DNAH11: variants seen among roughly 807,000 people sequenced by gnomAD.
DNAH11 encodes the protein dynein axonemal heavy chain 11, also known as axonemal beta dynein heavy chain 11.
DNAH11 carries 442 observed loss-of-function variants against 526.0 expected under a neutral mutation model. The ratio of observed to expected loss-of-function variants is 0.84; its 90% CI spans 0.78 to 0.91. The LOEUF (loss-of-function observed/expected upper bound fraction) is 0.91, where lower values mean the gene tolerates loss of function less well. DNAH11 is among the 40% of genes least tolerant of loss of function. The pLI is 0.00. For synonymous variants in DNAH11, 2,461 were observed against 1,935.9 expected, an observed-to-expected ratio of 1.27 and a Z score of -7.12; for missense variants, 6,989 against 5,448.7, an observed-to-expected ratio of 1.28 and a Z score of -8.90.
intron 20 of DNAH11, among the ~76,000 whole-genome samples, 160 bp from the exon 21 acceptor site, chr7:21,614,954 C>A (rs1162618095): frequency 6.6e-6 from 1 of 152,198 alleles, no homozygotes; most frequent in East Asian, 1.9e-4. Context: ...TGAGTTTGCT[C>A]TTCTAAAACC....
chr7:21,863,453 G>A (rs941584564), intron 69 of DNAH11, among the ~76,000 whole-genome samples: 2 of 152,078 alleles, frequency 1.3e-5, no homozygotes, highest in Non-Finnish European at 2.9e-5. Context: ...TCAGCCTCCC[G>A]AGTAGCTGGG....
chr7:21,702,943 G>T (rs1784125394), intron 37 of DNAH11, 141 bp downstream of exon 37: 1 of 715,812 alleles, frequency 1.4e-6, no homozygotes, highest in Non-Finnish European at 2.3e-6. Flanking sequence ...GAAATTTGAG[G>T]ATTGGCGTTC....
intron 38 of DNAH11, among the ~76,000 whole-genome samples, chr7:21,704,942 G>A (rs1411147520): frequency 6.6e-6 from 1 of 152,138 alleles, no homozygotes; most frequent in Non-Finnish European, 1.5e-5. Flanking sequence ...CTCCTTTTTA[G>A]AGAACATTGG....
chr7:21,804,302 G>A (rs1789148791), intron 62 of DNAH11, among the ~76,000 whole-genome samples: 1 of 151,928 alleles, frequency 6.6e-6, no homozygotes, highest in African/African-American at 2.4e-5. Context: ...TTAGAGACGG[G>A]GTTTCACCGT....
At chr7:21,868,784 T>A in intron 72 of DNAH11, 80 bp from the exon 73 acceptor site, 1 of 1,558,712 alleles carries the variant, frequency 6.4e-7, no homozygotes. Context: ...ACCACAGATG[T>A]GCATTAGACC....
chr7:21,824,997 G>A lies in DNAH11; in HGVS notation c.10691+6658G>A, dbSNP rs375835975. Among the ~76,000 whole-genome samples, 52 of 152,118 alleles carry A rather than the reference G, an allele frequency of 3.4e-4. No individual in the cohort carries two copies. The East Asian group carries it at 3.5e-3, about 10-fold the overall frequency. ...AGTGATTCTCCTGCCTCAGCCTCCC[G>A]AGTAGCTGGAATTACAGGCGCCTGC... is the stretch of plus-strand genomic sequence containing the variant. On this transcript the variant is annotated intron_variant, in intron 65 of 81. Transcript: ENST00000409508.
intron 77 of DNAH11, among the ~76,000 whole-genome samples, chr7:21,892,972 T>C (rs1462424872): frequency 6.6e-6 from 1 of 152,232 alleles, no homozygotes; most frequent in Non-Finnish European, 1.5e-5. Flanking sequence ...ACTCCTTTCA[T>C]TCTGCATTAG....
At chr7:21,712,303 C>G (rs1784492485) in intron 42 of DNAH11, among the ~76,000 whole-genome samples, 1 of 152,204 alleles carries the variant, frequency 6.6e-6, no homozygotes, top group Admixed American at 6.5e-5. Context: ...TGGGTTTCTT[C>G]TACCTTTTGG....
Position 21,619,941 on chromosome 7 carries a change from A to G in DNAH11, c.4378-15A>G, listed in dbSNP as rs368312086. The G allele has an allele frequency of 1.4e-6, 2 of 1,400,858 alleles. No homozygotes were observed. The highest frequency in any genetic ancestry group is 1.9e-6 in the Non-Finnish European group (2 of 1,029,186). 86.8% of individuals were successfully genotyped at this position (1,400,858 alleles called of 1,614,324 possible). A position where few individuals can be genotyped will look rare whatever the true frequency, so the allele number is the denominator to read the frequency against. ...ATTAAATTTTGTGCACATTAATTAT[A>G]TTGTTGATTACTAGGTTATTACTGA... On this transcript the variant is annotated splice_polypyrimidine_tract_variant and intron_variant, in intron 24 of 81. Transcript: ENST00000409508.
At chr7:21,659,652 G>A (rs151039569) in intron 30 of DNAH11, among the ~76,000 whole-genome samples, 1 of 152,058 alleles carries the variant, frequency 6.6e-6, no homozygotes, top group Admixed American at 6.6e-5. Flanking sequence ...CTGGTTTTCA[G>A]TGGATAAAAT....
At position 21,639,071 on chromosome 7, in the gene DNAH11, A is replaced by AT. The variant is rs759113331; in HGVS notation, c.4944+14dup. 40 of 1,601,744 alleles carry AT rather than the reference A, an allele frequency of 2.5e-5. No individual in the cohort carries two copies. The highest frequency in any genetic ancestry group is 3.1e-5 in the Non-Finnish European group (36 of 1,176,374). ...AAGGAGCTCAGCCTAAACAGGTAAT[A>AT]TTTTTTTTGAAAGTCTCGTATTATA... On this transcript the variant is annotated splice_region_variant and intron_variant, in intron 28 of 81. Coordinates refer to ENST00000409508, the MANE Select transcript of DNAH11 (RefSeq NM_001277115.2).
chr7:21,846,209 A>G (rs1782411888), intron 66 of DNAH11, among the ~76,000 whole-genome samples: 1 of 152,098 alleles, frequency 6.6e-6, no homozygotes, highest in Non-Finnish European at 1.5e-5. Context: ...TTCCCATTCC[A>G]TATACCTTTA....
At chr7:21,819,184 A>G (rs1181305385) in intron 65 of DNAH11, among the ~76,000 whole-genome samples, 2 of 152,104 alleles carry the variant, frequency 1.3e-5, no homozygotes, top group Non-Finnish European at 2.9e-5. Context: ...CTTCAAAGAT[A>G]TATAATTTCA....
In DNAH11 at chr7:21,587,895, C is replaced by T. The variant is rs192847544; in HGVS notation, c.1711-169C>T. On this transcript the variant is annotated intron_variant, in intron 9 of 81. Transcript: ENST00000409508. ...ATCTAGAATTGGTTTATTGGATGTA[C>T]AGAAATTTTAGGGAGATGGAAAAAT... Among the ~76,000 whole-genome samples, 14 of 152,180 alleles carry T rather than the reference C, an allele frequency of 9.2e-5. No individual in the cohort carries two copies. The East Asian group carries it at 2.7e-3, about 29-fold the overall frequency.
At chr7:21,625,509 T>C (rs145002311) in intron 25 of DNAH11, among the ~76,000 whole-genome samples, 2 of 152,304 alleles carry the variant, frequency 1.3e-5, no homozygotes, top group Non-Finnish European at 2.9e-5. Flanking sequence ...CATCAATTAC[T>C]GCTCTGATCG....
Position 21,653,258 on chromosome 7 carries a change from A to G in DNAH11, c.4945-2574A>G, listed in dbSNP as rs1056811919. ...AAGGAATTTTAATTTTGGGTTAACA[A>G]ATACGAAGCAATCTCATTAAAAATA... On this transcript the variant is annotated intron_variant, in intron 28 of 81. Transcript: ENST00000409508. 2.0e-5 allele frequency among the ~76,000 whole-genome samples: 3 copies of G among 152,330 alleles called. No homozygotes were observed. The East Asian group carries it at 5.8e-4, about 29-fold the overall frequency.
chr7:21,758,315 C>G (rs551316052), intron 54 of DNAH11, among the ~76,000 whole-genome samples: 10 of 152,276 alleles, frequency 6.6e-5, no homozygotes, highest in Admixed American at 3.9e-4. Context: ...CTGAGGTTTA[C>G]CCTCTTTGAG....
chr7:21,873,981 G>C (rs1478063672), intron 74 of DNAH11, among the ~76,000 whole-genome samples: 12 of 151,710 alleles, frequency 7.9e-5, no homozygotes, highest in Non-Finnish European at 1.5e-4. Context: ...AGTAGAGATG[G>C]GGTTTCACCA....
chr7:21,565,972 A>G (rs921926059), intron 6 of DNAH11, among the ~76,000 whole-genome samples: 1 of 152,180 alleles, frequency 6.6e-6, no homozygotes, highest in Admixed American at 6.5e-5. Context: ...TTTGTTAAAC[A>G]GGTTCCCTGG....
Sources: allele counts gnomAD v4.1 joint callset (sites outside exome capture counted in the v4.1 genomes callset), GRCh38; gene constraint gnomAD v4.1.1; transcripts MANE v1.5; gene names NCBI Gene and HGNC (gene_info 2026-07-23, HGNC 2026-07-21).